LRP1B: variants seen among roughly 807,000 people sequenced by gnomAD.
LRP1B encodes the protein LDL receptor related protein 1B.
A neutral mutation model predicts 556.6 loss-of-function variants in LRP1B; 217 were observed. The ratio of observed to expected loss-of-function variants is 0.39; its 90% CI spans 0.35 to 0.44. LRP1B has a LOEUF of 0.44. Ranked by LOEUF, LRP1B falls within the 20% of genes least tolerant of loss-of-function variation. LRP1B has a pLI of 1.00. For missense variants in LRP1B, 5,053 were observed against 5,620.8 expected, an observed-to-expected ratio of 0.90 and a Z score of 3.23; for synonymous variants, 2,047 against 1,865.8, an observed-to-expected ratio of 1.10 and a Z score of -2.50.
chr2:140,741,329 G>C (rs1334965991), intron 35 of LRP1B, among the ~76,000 whole-genome samples: 2 of 152,076 alleles, frequency 1.3e-5, no homozygotes, highest in Non-Finnish European at 2.9e-5. Flanking sequence ...TGATCAATCA[G>C]TATATTATAT....
intron 2 of LRP1B, among the ~76,000 whole-genome samples, chr2:141,489,882 A>T (rs1683266141): frequency 6.6e-6 from 1 of 152,164 alleles, no homozygotes; most frequent in African/African-American, 2.4e-5. Flanking sequence ...ACCTCTAAAG[A>T]TTCATATGCA....
At chr2:140,443,196 G>A (rs892447485) in intron 65 of LRP1B, among the ~76,000 whole-genome samples, 1 of 152,096 alleles carries the variant, frequency 6.6e-6, no homozygotes, top group Non-Finnish European at 1.5e-5. Flanking sequence ...AAGTAGCTGG[G>A]ATTATAGGCA....
At chr2:140,544,259 T>C (rs1046374405) in intron 43 of LRP1B, among the ~76,000 whole-genome samples, 6 of 149,550 alleles carry the variant, frequency 4.0e-5, no homozygotes, top group Middle Eastern at 3.4e-3. Flanking sequence ...CACAGGGGTA[T>C]TAACTTTTAA....
intron 20 of LRP1B, among the ~76,000 whole-genome samples, chr2:140,937,503 A>C (rs1695264996): frequency 6.6e-6 from 1 of 152,116 alleles, no homozygotes; most frequent in Non-Finnish European, 1.5e-5. Flanking sequence ...GCGAGATGAC[A>C]AGATTTCTAG....
chr2:140,833,507 A>G (rs995638810), intron 31 of LRP1B, among the ~76,000 whole-genome samples: 2 of 152,198 alleles, frequency 1.3e-5, no homozygotes, highest in African/African-American at 4.8e-5. Context: ...TCAATGCTTA[A>G]TATTACAAGT....
chr2:141,769,557 C>A (rs1245232625), intron 2 of LRP1B, among the ~76,000 whole-genome samples: 1 of 152,136 alleles, frequency 6.6e-6, no homozygotes, highest in Non-Finnish European at 1.5e-5. Context: ...TTACACGGGA[C>A]ATCAGGTCCC....
chr2:141,378,852 G>T (rs995267003), intron 3 of LRP1B, among the ~76,000 whole-genome samples: 15 of 152,160 alleles, frequency 9.9e-5, no homozygotes, highest in African/African-American at 3.6e-4. Context: ...ATATGAAGAA[G>T]AATGAACAGA....
chr2:141,543,145 G>A (rs1214923164), intron 2 of LRP1B, among the ~76,000 whole-genome samples: 1 of 152,090 alleles, frequency 6.6e-6, no homozygotes, highest in Non-Finnish European at 1.5e-5. Flanking sequence ...GTCTCTTGGA[G>A]AGGAATCTGT....
chr2:141,228,201 G>C (rs1010207800), intron 6 of LRP1B, among the ~76,000 whole-genome samples: 1 of 152,108 alleles, frequency 6.6e-6, no homozygotes. Context: ...CACCGCACCC[G>C]GCTTCTCTTA....
intron 2 of LRP1B, among the ~76,000 whole-genome samples, chr2:141,750,355 C>T (rs1694064564): frequency 6.6e-6 from 1 of 152,074 alleles, no homozygotes; most frequent in African/African-American, 2.4e-5. Context: ...GTGACATCAG[C>T]AATCTCTGTA....
intron 49 of LRP1B, among the ~76,000 whole-genome samples, chr2:140,518,104 C>T (rs983151722): frequency 6.6e-6 from 1 of 152,004 alleles, no homozygotes; most frequent in Non-Finnish European, 1.5e-5. Context: ...GGAAGTAAAC[C>T]CTAGTGTATA....
intron 1 of LRP1B, among the ~76,000 whole-genome samples, chr2:142,048,900 CT>C (rs1226859025): frequency 2.0e-5 from 3 of 152,010 alleles, no homozygotes; most frequent in African/African-American, 7.2e-5. Flanking sequence ...CTGAAAAGTA[CT>C]TGTTTAAAAA....
At chr2:140,829,592 A>G (rs1691644601) in intron 31 of LRP1B, among the ~76,000 whole-genome samples, 1 of 151,998 alleles carries the variant, frequency 6.6e-6, no homozygotes, top group Non-Finnish European at 1.5e-5. Flanking sequence ...AAATAAAATT[A>G]GAAAAACATA....
At chr2:141,576,777 A>C (rs370854770) in intron 2 of LRP1B, among the ~76,000 whole-genome samples, 1 of 120,802 alleles carries the variant, frequency 8.3e-6, no homozygotes, top group Non-Finnish European at 1.9e-5. Flanking sequence ...AAAAAGCTTC[A>C]GTCTGACCCT....
intron 2 of LRP1B, among the ~76,000 whole-genome samples, chr2:141,771,854 T>C (rs1053207751): frequency 6.6e-6 from 1 of 152,152 alleles, no homozygotes; most frequent in Non-Finnish European, 1.5e-5. Flanking sequence ...GTTTTGCTCT[T>C]GTTGCCCAGG....
At chr2:141,239,379 ACT>A (rs1400000217) in intron 5 of LRP1B, among the ~76,000 whole-genome samples, 18 of 151,970 alleles carry the variant, frequency 1.2e-4, no homozygotes, top group East Asian at 3.9e-4. Flanking sequence ...AAGGAACAAC[ACT>A]CTGAGTTTTT....
chr2:141,467,118 A>ATATATATG (rs1682253233), intron 3 of LRP1B, among the ~76,000 whole-genome samples: 1 of 2,838 alleles, frequency 3.5e-4, no homozygotes, highest in African/African-American at 4.9e-4. Flanking sequence ...ATATATATAT[A>ATATATATG]TATATCTATA....
chr2:141,049,939 A>T (rs889350033), intron 10 of LRP1B, among the ~76,000 whole-genome samples: 9 of 152,070 alleles, frequency 5.9e-5, no homozygotes, highest in African/African-American at 2.2e-4. Flanking sequence ...TGTCAGCATC[A>T]AGGTAGCTCT....
intron 2 of LRP1B, among the ~76,000 whole-genome samples, chr2:141,649,263 G>A (rs1209830282): frequency 3.9e-5 from 6 of 152,244 alleles, no homozygotes; most frequent in East Asian, 1.9e-4. Flanking sequence ...TATTCTGAGC[G>A]GGGGATTTCT....
Sources: allele counts gnomAD v4.1 joint callset (sites outside exome capture counted in the v4.1 genomes callset), GRCh38; gene constraint gnomAD v4.1.1; transcripts MANE v1.5; gene names NCBI Gene and HGNC (gene_info 2026-07-23, HGNC 2026-07-21).